The following DPYD variants were observed in gnomAD, a reference collection of about 807,000 sequenced individuals.
DPYD encodes dihydropyrimidine dehydrogenase.
A neutral mutation model predicts 116.2 loss-of-function variants in DPYD; 109 were observed. The observed-to-expected ratio is 0.94, with a 90% CI of 0.80 to 1.10. DPYD has a LOEUF of 1.10. Ranked by LOEUF, DPYD falls within the 50% of genes least tolerant of loss-of-function variation. The pLI is 0.00. For synonymous variants in DPYD, 440 were observed against 432.0 expected, an observed-to-expected ratio of 1.02 and a Z score of -0.23; for missense variants, 1,302 against 1,254.5, an observed-to-expected ratio of 1.04 and a Z score of -0.57.
intron 20 of DPYD, among the ~76,000 whole-genome samples, chr1:97,163,336 C>G (rs190198103): frequency 1.3e-5 from 2 of 152,274 alleles, no homozygotes; most frequent in African/African-American, 4.8e-5. Flanking sequence ...TGAACAGACA[C>G]TTTTCAACAT....
At chr1:97,788,667 G>A (rs971779865) in intron 3 of DPYD, among the ~76,000 whole-genome samples, 39 of 152,276 alleles carry the variant, frequency 2.6e-4, no homozygotes, top group African/African-American at 9.4e-4. Flanking sequence ...TGATCAAGGA[G>A]TACATAGGCC....
At chr1:97,529,520 T>A (rs954998298) in intron 12 of DPYD, among the ~76,000 whole-genome samples, 3 of 152,186 alleles carry the variant, frequency 2.0e-5, no homozygotes, top group Non-Finnish European at 4.4e-5. Context: ...ACAATAAACA[T>A]AATTAATGTA....
intron 20 of DPYD, among the ~76,000 whole-genome samples, chr1:97,132,544 T>G (rs12139650): frequency 0.16 from 25,024 of 152,062 alleles, 2,185 homozygotes; most frequent in East Asian, 0.31. Flanking sequence ...ATTTGACAAA[T>G]GGAGAAATGT....
At chr1:97,230,850 G>A (rs888095641) in intron 19 of DPYD, among the ~76,000 whole-genome samples, 3 of 152,138 alleles carry the variant, frequency 2.0e-5, no homozygotes, top group Non-Finnish European at 4.4e-5. Flanking sequence ...ACAAAAGAGA[G>A]ATGGCAAAGG....
At chr1:97,574,308 G>T (rs546439182) in intron 10 of DPYD, among the ~76,000 whole-genome samples, 6 of 151,894 alleles carry the variant, frequency 4.0e-5, no homozygotes, top group Non-Finnish European at 7.4e-5. Context: ...GTAGATTAAG[G>T]TCTCTTTTTT....
intron 2 of DPYD, among the ~76,000 whole-genome samples, chr1:97,872,049 A>G (rs1283950995): frequency 6.6e-6 from 1 of 151,834 alleles, no homozygotes; most frequent in African/African-American, 2.4e-5. Context: ...TCAAGGTCAT[A>G]CTCTAGTAAA....
chr1:97,883,573 A>G (rs1295501062), intron 1 of DPYD, among the ~76,000 whole-genome samples, 199 bp from the exon 2 acceptor site: 2 of 151,902 alleles, frequency 1.3e-5, no homozygotes, highest in Non-Finnish European at 2.9e-5. Context: ...TAGTCTCCCA[A>G]GTAGCTCGGA....
At chr1:97,530,240 C>CG (rs1649514531) in intron 12 of DPYD, among the ~76,000 whole-genome samples, 1 of 115,766 alleles carries the variant, frequency 8.6e-6, no homozygotes, top group African/African-American at 3.2e-5. Context: ...TTTTTTGAGA[C>CG]GGAGTCTCGC....
chr1:97,411,833 C>T (rs920775135), intron 14 of DPYD, among the ~76,000 whole-genome samples: 5 of 152,072 alleles, frequency 3.3e-5, no homozygotes, highest in Non-Finnish European at 5.9e-5. Flanking sequence ...CGTTAAACAG[C>T]ATAATGAATG....
At chr1:97,098,127 T>C (rs996219787) in intron 21 of DPYD, among the ~76,000 whole-genome samples, 5 of 152,082 alleles carry the variant, frequency 3.3e-5, no homozygotes, top group African/African-American at 7.2e-5. Context: ...TTATTGATAA[T>C]TGAGTTGTAC....
At chr1:97,613,745 C>A (rs1232220251) in intron 8 of DPYD, among the ~76,000 whole-genome samples, 1 of 151,834 alleles carries the variant, frequency 6.6e-6, no homozygotes, top group Admixed American at 6.6e-5. Flanking sequence ...GATAAATAGA[C>A]AACAATGGGT....
intron 21 of DPYD, among the ~76,000 whole-genome samples, chr1:97,084,117 C>A (rs997002443): frequency 6.6e-6 from 1 of 152,074 alleles, no homozygotes; most frequent in Admixed American, 6.6e-5. Context: ...CTACCTTATT[C>A]AAAAATCTGT....
intron 18 of DPYD, among the ~76,000 whole-genome samples, chr1:97,237,590 G>A (rs914560484): frequency 1.3e-5 from 2 of 152,036 alleles, no homozygotes; most frequent in Non-Finnish European, 2.9e-5. Flanking sequence ...CCATAAAAAG[G>A]CTAATAGTGG....
At chr1:97,615,612 A>G (rs955205191) in intron 8 of DPYD, among the ~76,000 whole-genome samples, 3 of 152,054 alleles carry the variant, frequency 2.0e-5, no homozygotes, top group African/African-American at 4.8e-5. Flanking sequence ...TTAGGCCCTT[A>G]TCTTTTCTAT....
chr1:97,563,649 T>C (rs1652322540), intron 11 of DPYD, among the ~76,000 whole-genome samples: 2 of 152,202 alleles, frequency 1.3e-5, no homozygotes, highest in African/African-American at 4.8e-5. Flanking sequence ...AGCAGAGCTA[T>C]TCACTGGGGA....
chr1:97,182,834 T>C (rs997856016), intron 20 of DPYD, among the ~76,000 whole-genome samples: 8 of 152,130 alleles, frequency 5.3e-5, no homozygotes, highest in Admixed American at 6.6e-5. Flanking sequence ...TATTATAGAT[T>C]TTCCATTTTA....
chr1:97,615,835 T>G (rs1408614527), intron 8 of DPYD, among the ~76,000 whole-genome samples: 1 of 152,152 alleles, frequency 6.6e-6, no homozygotes, highest in African/African-American at 2.4e-5. Context: ...TTACACTTCA[T>G]TTCTGATAAA....
intron 5 of DPYD, among the ~76,000 whole-genome samples, chr1:97,711,269 G>A (rs563330046): frequency 1.3e-5 from 2 of 151,920 alleles, no homozygotes; most frequent in South Asian, 2.1e-4. Flanking sequence ...AGATGAAAAC[G>A]TTAAGTGTTT....
At chr1:97,581,338 A>G (rs1261793861) in intron 10 of DPYD, among the ~76,000 whole-genome samples, 2 of 149,476 alleles carry the variant, frequency 1.3e-5, no homozygotes, top group African/African-American at 4.9e-5. Flanking sequence ...AAAAAAAAAA[A>G]AAAAAAAAAA....
Sources: gnomAD v4.1 joint callset for allele counts (sites outside exome capture counted in the v4.1 genomes callset) on GRCh38, gnomAD v4.1.1 for gene constraint, MANE v1.5 for transcripts, NCBI Gene and HGNC (gene_info 2026-07-23, HGNC 2026-07-21) for gene names.